PACC1: variants seen among roughly 807,000 people sequenced by gnomAD.
PACC1 encodes proton activated chloride channel 1, also known as proton-activated chloride channel.
Under a neutral mutation model 39.7 loss-of-function variants are expected in PACC1, and 34 were observed. The observed-to-expected ratio is 0.86, with a 90% CI of 0.65 to 1.14. The LOEUF (loss-of-function observed/expected upper bound fraction) is 1.14. Among genes scored for constraint, PACC1 ranks in the 50% most tolerant of loss-of-function variants. The pLI, the probability that PACC1 is intolerant of heterozygous loss-of-function variation, is 0.00. For synonymous variants in PACC1, 127 were observed against 160.6 expected (o/e 0.79, Z 1.58); for missense variants, 379 against 436.4 (o/e 0.87, Z 1.17).
At chr1:212,394,214 C>T (rs1404939472) in intron 2 of PACC1, among the ~76,000 whole-genome samples, 1 of 152,184 alleles carries the variant, frequency 6.6e-6, no homozygotes, top group Non-Finnish European at 1.5e-5. Flanking sequence ...CCGAATCCAG[C>T]AGCACATCAA....
intron 4 of PACC1, among the ~76,000 whole-genome samples, chr1:212,382,131 C>T (rs11811668): frequency 0.074 from 11,308 of 152,004 alleles, 1,373 homozygotes; most frequent in African/African-American, 0.25. Context: ...CTCCGCCTCC[C>T]GGGTTCAGGC....
rs147183323 is a variant in PACC1, at chr1:212,385,284, T to C, written c.485A>G (p.Asn162Ser). Residue 162 changes from asparagine to serine, a missense_variant, in exon 4 of 8, where the codon AAT (asparagine) becomes AGT (serine). By Grantham distance (46) the Asn-to-Ser change is conservative (BLOSUM62 1). Coordinates refer to ENST00000261455, the MANE Select transcript of PACC1 (RefSeq NM_018252.3). ...QRINYTDPFSNQTVKSALIVQ... is the reference protein window; with the variant it reads ...QRINYTDPFSSQTVKSALIVQ... ...GCAGACAGGAATTACCACAGTCTGA[T>C]TGGAGAAGGGGTCCGTGTAGTTGAT... The C allele has an allele frequency of 6.0e-5, 97 of 1,613,898 alleles. No individual in the cohort carries two copies. Among genetic ancestry groups the C allele is most frequent in the Admixed American group, 4.7e-4 (28 of 59,998 alleles).
chr1:212,375,291 C>T lies in PACC1; in HGVS notation c.793G>A (p.Val265Ile). ...AVEFRQETSVVNYIDQRPAAK... is the reference protein window; with the variant it reads ...AVEFRQETSVINYIDQRPAAK... ...GCTGGCCTCTGGTCAATGTAGTTAACCACACTTGTCTAGATGTGGAGGAGA... is the reference window on the plus strand; with the variant it reads ...GCTGGCCTCTGGTCAATGTAGTTAATCACACTTGTCTAGATGTGGAGGAGA... Residue 265 changes from valine (V) to isoleucine (I), a missense_variant, in exon 7 of 8, where the codon GTT becomes ATT. Val to Ile is a conservative substitution (Grantham distance 29). Transcript: ENST00000261455. 1 of 1,613,130 alleles carries T rather than the reference C, an allele frequency of 6.2e-7. No individual in the cohort carries two copies. The highest frequency in any genetic ancestry group is 8.5e-7 in the Non-Finnish European group (1 of 1,179,178).
chr1:212,410,598 G>A (rs939755273), intron 1 of PACC1, 77 bp from the exon 2 acceptor site: 1 of 1,307,282 alleles, frequency 7.6e-7, no homozygotes, highest in African/African-American at 1.5e-5. Flanking sequence ...TAAGAAAGCA[G>A]AAGCTGCTTG....
intron 7 of PACC1, among the ~76,000 whole-genome samples, chr1:212,374,880 T>C (rs1182731810): frequency 1.3e-5 from 2 of 152,220 alleles, no homozygotes; most frequent in Non-Finnish European, 2.9e-5. Context: ...GCAGCTACTT[T>C]GCACTAAGCA....
chr1:212,392,787 T>C (rs1191589990), intron 2 of PACC1, among the ~76,000 whole-genome samples: 1 of 151,630 alleles, frequency 6.6e-6, no homozygotes, highest in Non-Finnish European at 1.5e-5. Context: ...GTTGCAATCC[T>C]AGTCTCTGAT....
intron 2 of PACC1, among the ~76,000 whole-genome samples, chr1:212,391,606 T>C (rs1661322276): frequency 6.6e-6 from 1 of 152,216 alleles, no homozygotes; most frequent in Non-Finnish European, 1.5e-5. Context: ...GACTTTGATG[T>C]GTTGAGAGAA....
At chr1:212,396,701 T>TA (rs34222207) in intron 2 of PACC1, among the ~76,000 whole-genome samples, 10,365 of 95,390 alleles carry the variant, frequency 0.11, 1,083 homozygotes, top group African/African-American at 0.23. Flanking sequence ...CAGGATAACT[T>TA]AAAAAAAAAA....
intron 4 of PACC1, among the ~76,000 whole-genome samples, chr1:212,383,320 C>T (rs939503455): frequency 2.0e-5 from 3 of 152,234 alleles, no homozygotes; most frequent in Non-Finnish European, 4.4e-5. Context: ...CCCTCACTGA[C>T]TCCTCCTAAG....
At chr1:212,405,634 G>A (rs1484689911) in intron 2 of PACC1, among the ~76,000 whole-genome samples, 1 of 152,164 alleles carries the variant, frequency 6.6e-6, no homozygotes, top group Non-Finnish European at 1.5e-5. Context: ...TACAGGGAGG[G>A]GAGAATTTGG....
intron 7 of PACC1, among the ~76,000 whole-genome samples, chr1:212,366,340 C>T (rs932699802): frequency 1.6e-4 from 22 of 134,992 alleles, no homozygotes; most frequent in Non-Finnish European, 2.7e-4. Flanking sequence ...GTCTCACTGT[C>T]GCCAGGCTGG....
intron 2 of PACC1, among the ~76,000 whole-genome samples, chr1:212,389,381 T>C (rs1364484889): frequency 6.6e-6 from 1 of 152,206 alleles, no homozygotes; most frequent in Admixed American, 6.5e-5. Context: ...AGATTTCAAC[T>C]ACGGCTAATG....
chr1:212,384,830 G>A (rs865997620), intron 4 of PACC1, among the ~76,000 whole-genome samples: 7 of 152,204 alleles, frequency 4.6e-5, no homozygotes, highest in Admixed American at 3.9e-4. Context: ...TTACGCTGGC[G>A]TATTAATTTC....
intron 1 of PACC1, among the ~76,000 whole-genome samples, chr1:212,410,930 C>T (rs1662104581): frequency 6.6e-6 from 1 of 152,148 alleles, no homozygotes; most frequent in Non-Finnish European, 1.5e-5. Context: ...TAGAGGCATC[C>T]AATCTCCACT....
At chr1:212,406,596 G>C (rs1661928094) in intron 2 of PACC1, among the ~76,000 whole-genome samples, 1 of 152,112 alleles carries the variant, frequency 6.6e-6, no homozygotes. Context: ...ACTCACTACT[G>C]ACCCAGCCAA....
intron 2 of PACC1, among the ~76,000 whole-genome samples, chr1:212,396,510 C>T (rs754444255): frequency 6.6e-6 from 1 of 151,732 alleles, no homozygotes; most frequent in Non-Finnish European, 1.5e-5. Flanking sequence ...TGGTGCAGCA[C>T]ACCAACATGG....
intron 7 of PACC1, among the ~76,000 whole-genome samples, chr1:212,365,866 T>C (rs939986121): frequency 2.0e-5 from 3 of 152,186 alleles, no homozygotes; most frequent in Non-Finnish European, 2.9e-5. Context: ...TAAGTGACCT[T>C]GCTTTGAGAT....
chr1:212,377,747 G>A (rs534862175), intron 5 of PACC1, 41 bp from the exon 6 acceptor site: 1 of 1,607,054 alleles, frequency 6.2e-7, no homozygotes, highest in Non-Finnish European at 8.5e-7. Flanking sequence ...GGTCAATGCA[G>A]GTCTGGCAGC....
chr1:212,380,548 A>G (rs1457541016), intron 4 of PACC1, among the ~76,000 whole-genome samples: 1 of 152,072 alleles, frequency 6.6e-6, no homozygotes, highest in East Asian at 1.9e-4. Flanking sequence ...TACTTTATAT[A>G]CCTGGCTTTA....
Sources: allele counts gnomAD v4.1 joint callset (sites outside exome capture counted in the v4.1 genomes callset), GRCh38; gene constraint gnomAD v4.1.1; transcripts MANE v1.5; gene names NCBI Gene and HGNC (gene_info 2026-07-23, HGNC 2026-07-21).